Variants in MAN1C1 observed in about 807,000 individuals in gnomAD.
The protein encoded by MAN1C1 is mannosyl-oligosaccharide 1,2-alpha-mannosidase IC.
A neutral mutation model predicts 71.5 loss-of-function variants in MAN1C1; 49 were observed. The ratio of observed to expected loss-of-function variants is 0.69; its 90% CI spans 0.54 to 0.87. The LOEUF is 0.87. Ranked by LOEUF, MAN1C1 falls within the 40% of genes least tolerant of loss-of-function variation. MAN1C1 has a pLI of 0.00. For synonymous variants in MAN1C1, 352 were observed against 343.7 expected, an observed-to-expected ratio of 1.02 and a Z score of -0.27; for missense variants, 743 against 835.0, an observed-to-expected ratio of 0.89 and a Z score of 1.36.
At chr1:25,651,235 G>T (rs952339769) in intron 1 of MAN1C1, among the ~76,000 whole-genome samples, 28 of 152,346 alleles carry the variant, frequency 1.8e-4, no homozygotes, top group African/African-American at 6.7e-4. Context: ...GGGCAGACTG[G>T]CCCTGGTTGG....
At chr1:25,757,410 A>G (rs1030916110) in intron 5 of MAN1C1, among the ~76,000 whole-genome samples, 3 of 152,104 alleles carry the variant, frequency 2.0e-5, no homozygotes, top group South Asian at 2.1e-4. Flanking sequence ...ACCTCTGTCC[A>G]CCACAGCCTT....
intron 2 of MAN1C1, 151 bp downstream of exon 2, chr1:25,686,687 G>A (rs939399348): frequency 1.9e-5 from 12 of 643,782 alleles, no homozygotes; most frequent in African/African-American, 1.3e-4. Context: ...GTTTCCTCTG[G>A]GCTTTTCAGG....
rs112843174 is a variant in MAN1C1 at position 25,767,259 on chromosome 1, TCA to T, written c.1141+3303_1141+3304del. 1.3e-3 allele frequency among the ~76,000 whole-genome samples: 151 copies of T among 114,124 alleles called. 1 individual carries two copies. Among genetic ancestry groups the T allele is most frequent in the Middle Eastern group, 0.012 (2 of 164 alleles). 74.9% of individuals were successfully genotyped at this position (114,124 alleles called of 152,430 possible). ...CACTCCCCTCACATCCACACTCCCC[TCA>T]CACACACACATTACACACTACATAC... On this transcript the variant is annotated intron_variant, in intron 7 of 11. Coordinates refer to ENST00000374332, the MANE Select transcript of MAN1C1 (RefSeq NM_020379.4).
intron 1 of MAN1C1, among the ~76,000 whole-genome samples, chr1:25,673,273 G>T (rs1349746935): frequency 6.6e-6 from 1 of 152,164 alleles, no homozygotes; most frequent in Non-Finnish European, 1.5e-5. Flanking sequence ...CAGGTGCTGT[G>T]CCGAGGGCCT....
intron 6 of MAN1C1, among the ~76,000 whole-genome samples, chr1:25,762,122 CTTTTCTTTTTTTTTT>C (rs949815780): frequency 8.2e-6 from 1 of 121,422 alleles, no homozygotes; most frequent in Middle Eastern, 3.6e-3. Flanking sequence ...CTTTTCTTTT[CTTTTCTTTTTTTTTT>C]TTTTTTTGAG....
In MAN1C1 at chr1:25,617,242, C is replaced by T. The variant is rs1638897366; in HGVS notation, c.-556C>T. 6.6e-6 allele frequency among the ~76,000 whole-genome samples: 1 copy of T among 151,230 alleles called. No homozygotes were observed. The highest frequency in any genetic ancestry group is 1.5e-5 in the Non-Finnish European group (1 of 67,720). ...TAGTCGAGCCCGGGCGCTGTCGCGACCGGGCCGGGTGTGCGCGCGCTCGGG... is the reference window on the plus strand; with the variant it reads ...TAGTCGAGCCCGGGCGCTGTCGCGATCGGGCCGGGTGTGCGCGCGCTCGGG... On this transcript the variant is annotated 5_prime_UTR_variant, in exon 1 of 12. Transcript: ENST00000374332. This position sits in a 1 kb window ranked among gnomAD's most constrained non-coding sequence, Gnocchi z 5.1.
intron 1 of MAN1C1, among the ~76,000 whole-genome samples, chr1:25,669,774 G>A (rs541839887): frequency 6.6e-6 from 1 of 152,228 alleles, no homozygotes; most frequent in African/African-American, 2.4e-5. Flanking sequence ...GACAGAGCAA[G>A]ACTCTGTCTC....
intron 1 of MAN1C1, among the ~76,000 whole-genome samples, chr1:25,630,802 C>T (rs574395286): frequency 6.6e-6 from 1 of 152,180 alleles, no homozygotes; most frequent in East Asian, 1.9e-4. Context: ...ATCTAAGAGT[C>T]TTTTGGAGGA....
intron 1 of MAN1C1, among the ~76,000 whole-genome samples, chr1:25,675,661 T>C (rs539861298): frequency 7.7e-4 from 117 of 151,278 alleles, no homozygotes; most frequent in African/African-American, 2.7e-3. Context: ...CTTTAAGGAA[T>C]CTCCATACTG....
chr1:25,670,464 G>A (rs960724690), intron 1 of MAN1C1, among the ~76,000 whole-genome samples: 3 of 152,242 alleles, frequency 2.0e-5, no homozygotes, highest in Non-Finnish European at 1.5e-5. Context: ...CTTTAAAGCA[G>A]GTCATCCATT....
At chr1:25,761,041 T>A (rs1202823996) in intron 6 of MAN1C1, 1 of 152,222 alleles carries the variant, frequency 6.6e-6, no homozygotes, top group East Asian at 1.9e-4. Flanking sequence ...ATTCACGTCC[T>A]GGCTCTGCCA....
chr1:25,630,241 C>A (rs943817470), intron 1 of MAN1C1, among the ~76,000 whole-genome samples: 1 of 152,072 alleles, frequency 6.6e-6, no homozygotes, highest in Non-Finnish European at 1.5e-5. Flanking sequence ...GTTCTCTATT[C>A]TTTTCCATGG....
intron 2 of MAN1C1, among the ~76,000 whole-genome samples, chr1:25,718,523 T>G (rs1295216759): frequency 1.3e-5 from 2 of 152,254 alleles, no homozygotes; most frequent in Non-Finnish European, 2.9e-5. Flanking sequence ...ATTTACAGCA[T>G]TGTATAAACA....
intron 1 of MAN1C1, among the ~76,000 whole-genome samples, chr1:25,661,879 T>C (rs1321952479): frequency 6.6e-6 from 1 of 152,240 alleles, no homozygotes; most frequent in Non-Finnish European, 1.5e-5. Context: ...ATACAAGTCC[T>C]ACCCCACATC....
intron 11 of MAN1C1, among the ~76,000 whole-genome samples, chr1:25,783,400 C>G (rs138455560): frequency 6.6e-6 from 1 of 152,168 alleles, no homozygotes; most frequent in Non-Finnish European, 1.5e-5. Context: ...CATACAGGGC[C>G]GGGCAGGTGA....
chr1:25,763,231 G>A (rs1257607639), intron 6 of MAN1C1, among the ~76,000 whole-genome samples: 5 of 152,042 alleles, frequency 3.3e-5, no homozygotes, highest in African/African-American at 7.3e-5. Context: ...TTGCGCTACC[G>A]CACTCCAGCC....
chr1:25,763,265 CA>C (rs898202862), intron 6 of MAN1C1, among the ~76,000 whole-genome samples: 3 of 148,582 alleles, frequency 2.0e-5, no homozygotes, highest in Non-Finnish European at 3.0e-5. Flanking sequence ...GAGACTGTCT[CA>C]AAAAAAAAGG....
chr1:25,708,837 T>C (rs1023357678), intron 2 of MAN1C1, among the ~76,000 whole-genome samples: 2 of 151,860 alleles, frequency 1.3e-5, no homozygotes, highest in Admixed American at 1.3e-4. Context: ...TGAGCTGAGA[T>C]TGCACCACTG....
rs978006614 is a variant in MAN1C1 at position 25,617,073 on chromosome 1, C to T, written c.-725C>T. Among the ~76,000 whole-genome samples the T allele has an allele frequency of 2.0e-5, 3 of 151,880 alleles. No individual in the cohort carries two copies. Among genetic ancestry groups the T allele is most frequent in the Non-Finnish European group, 4.4e-5 (3 of 67,914 alleles). On this transcript the variant is annotated 5_prime_UTR_variant, in exon 1 of 12. Transcript: ENST00000374332. This position sits in a 1 kb window ranked among gnomAD's most constrained non-coding sequence, Gnocchi z 5.1. The stretch of plus-strand genomic sequence containing the variant: ...CAGCCGCCCAGCCGCGGCTCCGGAC[C>T]CAGGCATCCCTGCGCTGTCTGGGGC...
Sources: gnomAD v4.1 joint callset for allele counts (sites outside exome capture counted in the v4.1 genomes callset) on GRCh38, gnomAD v4.1.1 for gene constraint, Gnocchi (gnomAD v3.1) non-coding constraint, MANE v1.5 for transcripts, NCBI Gene and HGNC (gene_info 2026-07-23, HGNC 2026-07-21) for gene names.